Variants in GALNT1 observed in about 807,000 individuals in gnomAD.
GALNT1 encodes the protein GalNAc transferase 1.
In GALNT1, 17 loss-of-function variants were observed where a neutral mutation model predicts 65.7. The ratio of observed to expected loss-of-function variants is 0.26; its 90% CI spans 0.18 to 0.39. The LOEUF is 0.39. GALNT1 is among the 10% of genes least tolerant of loss of function. GALNT1 has a pLI of 1.00. For synonymous variants in GALNT1, 210 were observed against 219.7 expected (o/e 0.96, Z 0.39); for missense variants, 460 against 672.8 (o/e 0.68, Z 3.50).
At chr18:35,583,115 C>T (rs1032167341) in intron 1 of GALNT1, among the ~76,000 whole-genome samples, 1 of 152,148 alleles carries the variant, frequency 6.6e-6, no homozygotes, top group African/African-American at 2.4e-5. Flanking sequence ...GACACAATGT[C>T]CTTGCCCTAT....
chr18:35,706,768 G>C (rs533503555), intron 11 of GALNT1, among the ~76,000 whole-genome samples: 2 of 152,168 alleles, frequency 1.3e-5, no homozygotes, highest in East Asian at 3.9e-4. Context: ...AACAGCCTGA[G>C]CAGACTACAG....
At chr18:35,680,399 G>T (rs1446160204) in intron 4 of GALNT1, among the ~76,000 whole-genome samples, 2 of 152,218 alleles carry the variant, frequency 1.3e-5, no homozygotes, top group South Asian at 4.2e-4. Flanking sequence ...TCTAACCAGG[G>T]TTTGAATTAC....
intron 11 of GALNT1, among the ~76,000 whole-genome samples, chr18:35,707,624 G>GATGGGTTTATTTTA (rs1233704568): frequency 6.6e-6 from 1 of 152,240 alleles, no homozygotes; most frequent in Non-Finnish European, 1.5e-5. Flanking sequence ...ATGTGTTTGT[G>GATGGGTTTATTTTA]ATGGGTTTAT....
chr18:35,619,755 G>T (rs983894096), intron 1 of GALNT1, among the ~76,000 whole-genome samples: 8 of 152,186 alleles, frequency 5.3e-5, no homozygotes, highest in Admixed American at 5.2e-4. Context: ...ATCCACTCTG[G>T]TGGGCCACCT....
intron 1 of GALNT1, among the ~76,000 whole-genome samples, chr18:35,601,163 T>C (rs1345876161): frequency 6.6e-6 from 1 of 152,090 alleles, no homozygotes; most frequent in Non-Finnish European, 1.5e-5. Context: ...TCTTTATGTT[T>C]TAATTTTGAT....
chr18:35,692,391 G>A, intron 9 of GALNT1, 71 bp downstream of exon 9: 3 of 1,008,666 alleles, frequency 3.0e-6, no homozygotes, highest in South Asian at 5.8e-5. Flanking sequence ...AAAAATAGGA[G>A]TTAGTTAAAC....
intron 1 of GALNT1, among the ~76,000 whole-genome samples, chr18:35,608,608 A>G (rs1166203296): frequency 1.3e-5 from 2 of 152,232 alleles, no homozygotes; most frequent in African/African-American, 2.4e-5. Flanking sequence ...AGTGTCTATT[A>G]TGTACTCTAG....
At position 35,702,900 on chromosome 18, in the gene GALNT1, C is replaced by A. The variant is rs749687300; in HGVS notation, c.1303C>A (p.Arg435=). The change falls in exon 10 of 12, where the codon CGA becomes AGA. Residue 435 remains arginine (R), a synonymous_variant. Coordinates refer to ENST00000269195, the MANE Select transcript of GALNT1 (RefSeq NM_020474.4). ...TTCATTATTTATTGTCCCATAGATA[C>A]GAAATGTGGAAACGAATCAGTGTCT... ...PRHYFSLGEI[R]NVETNQCLDN... The A allele has an allele frequency of 2.4e-5, 38 of 1,589,520 alleles. No homozygotes were observed. Among genetic ancestry groups the A allele is most frequent in the South Asian group, 4.6e-5 (4 of 87,230 alleles).
At chr18:35,617,139 C>G (rs1468600152) in intron 1 of GALNT1, among the ~76,000 whole-genome samples, 1 of 152,020 alleles carries the variant, frequency 6.6e-6, no homozygotes, top group Non-Finnish European at 1.5e-5. Flanking sequence ...CTACTGTTCT[C>G]TAGACTCTTC....
intron 11 of GALNT1, among the ~76,000 whole-genome samples, chr18:35,707,746 T>A (rs2144775310): frequency 6.6e-6 from 1 of 152,278 alleles, no homozygotes; most frequent in Middle Eastern, 3.4e-3. Flanking sequence ...TTGTTTTTAG[T>A]AATAGTGACC....
At chr18:35,663,130 C>T (rs894280915) in intron 2 of GALNT1, among the ~76,000 whole-genome samples, 1 of 151,922 alleles carries the variant, frequency 6.6e-6, no homozygotes, top group Non-Finnish European at 1.5e-5. Flanking sequence ...GGTGTTGCAG[C>T]GATGGAAGCC....
chr18:35,688,485 T>TAATA (rs1380387247), intron 6 of GALNT1, among the ~76,000 whole-genome samples: 10 of 152,170 alleles, frequency 6.6e-5, no homozygotes, highest in Admixed American at 1.3e-4. Flanking sequence ...CTTCATTTCT[T>TAATA]AATAATTTCT....
chr18:35,702,956 A>G lies in GALNT1; in HGVS notation c.1359A>G (p.Lys453=), dbSNP rs760288007. The G allele has an allele frequency of 6.2e-7, 1 of 1,611,876 alleles. No individual in the cohort carries two copies. The highest frequency in any genetic ancestry group is 1.7e-5 in the Admixed American group (1 of 59,336). ...LDNMARKENE[K]VGIFNCHGMG... is the part of the protein sequence containing the mutation. ...ACATGGCTAGAAAAGAGAATGAAAAAGTTGGAATTTTTAATTGCCATGGTA... is the reference window on the plus strand; with the variant it reads ...ACATGGCTAGAAAAGAGAATGAAAAGGTTGGAATTTTTAATTGCCATGGTA... Residue 453 remains lysine (K), a synonymous_variant, in exon 10 of 12, where the codon AAA becomes AAG. Coordinates refer to ENST00000269195, the MANE Select transcript of GALNT1 (RefSeq NM_020474.4).
At chr18:35,614,413 T>C (rs2046757309) in intron 1 of GALNT1, among the ~76,000 whole-genome samples, 1 of 152,106 alleles carries the variant, frequency 6.6e-6, no homozygotes, top group African/African-American at 2.4e-5. Context: ...TGGTAAAAAC[T>C]CATAACAAAC....
intron 1 of GALNT1, among the ~76,000 whole-genome samples, chr18:35,591,229 A>G (rs1327458312): frequency 6.6e-6 from 1 of 152,164 alleles, no homozygotes; most frequent in Non-Finnish European, 1.5e-5. Flanking sequence ...GGAGCTTTTC[A>G]CTGGAAATGC....
At position 35,710,383 on chromosome 18, in the gene GALNT1, A is replaced by G. The variant is rs1183941285; in HGVS notation, c.*613A>G. 6.6e-6 allele frequency: 1 copy of G among 152,570 alleles called. No individual in the cohort carries two copies. Among genetic ancestry groups the G allele is most frequent in the East Asian group, 1.9e-4 (1 of 5,194 alleles). The allele number at this position is 152,570 out of a possible 1,614,324, so 9.5% of individuals were successfully genotyped here. On this transcript the variant is annotated 3_prime_UTR_variant, in exon 12 of 12. Transcript: ENST00000269195. ...ATATAGATTTTATACCTCAGTGGGG[A>G]AAAATAACTGATTCCAATGACATTC...
At chr18:35,684,381 C>T (rs1598805341) in intron 5 of GALNT1, among the ~76,000 whole-genome samples, 1 of 152,060 alleles carries the variant, frequency 6.6e-6, no homozygotes, top group African/African-American at 2.4e-5. Flanking sequence ...AATAGGAAAA[C>T]TCAGCATTGG....
At chr18:35,665,596 A>G (rs1224418070) in intron 3 of GALNT1, among the ~76,000 whole-genome samples, 1 of 152,214 alleles carries the variant, frequency 6.6e-6, no homozygotes, top group Admixed American at 6.5e-5. Context: ...CAGGGGGGAA[A>G]AAAGACCTTT....
At chr18:35,609,330 T>A (rs1181353160) in intron 1 of GALNT1, among the ~76,000 whole-genome samples, 1 of 152,210 alleles carries the variant, frequency 6.6e-6, no homozygotes, top group Non-Finnish European at 1.5e-5. Flanking sequence ...TCTGTCATTT[T>A]ATGCAGAATA....
Sources: allele counts gnomAD v4.1 joint callset (sites outside exome capture counted in the v4.1 genomes callset), GRCh38; gene constraint gnomAD v4.1.1; transcripts MANE v1.5; gene names NCBI Gene and HGNC (gene_info 2026-07-23, HGNC 2026-07-21).